Variants in CNOT2 observed in about 807,000 individuals in gnomAD.
The protein encoded by CNOT2 is CC chemokine receptor 4-negative regulator of transcription 2.
CNOT2 carries 7 observed loss-of-function variants against 72.1 expected under a neutral mutation model. The ratio of observed to expected loss-of-function variants is 0.10; its 90% CI spans 0.06 to 0.18. The LOEUF is 0.18. Among genes scored for constraint, CNOT2 ranks in the 10% least tolerant of loss-of-function variants. CNOT2 has a pLI of 1.00. For synonymous variants in CNOT2, 196 were observed against 225.6 expected (o/e 0.87, Z 1.17); for missense variants, 345 against 660.3 (o/e 0.52, Z 5.23).
At chr12:70,320,558 TTATC>T (rs1878127024) in intron 4 of CNOT2, among the ~76,000 whole-genome samples, 1 of 151,774 alleles carries the variant, frequency 6.6e-6, no homozygotes. Context: ...AAAAAATTGT[TTATC>T]TACAAATATT....
At chr12:70,291,023 A>G (rs1871804034) in intron 2 of CNOT2, among the ~76,000 whole-genome samples, 1 of 152,202 alleles carries the variant, frequency 6.6e-6, no homozygotes, top group Admixed American at 6.5e-5. Context: ...ATAAAACAGT[A>G]CAGGTCAGTA....
chr12:70,336,633 C>T (rs1880738895), intron 8 of CNOT2: 1 of 151,662 alleles, frequency 6.6e-6, no homozygotes, highest in Non-Finnish European at 1.5e-5. Context: ...AATTAGTCTC[C>T]CCAAAATAAA....
At chr12:70,280,325 A>G (rs1316178970) in intron 2 of CNOT2, among the ~76,000 whole-genome samples, 1 of 152,176 alleles carries the variant, frequency 6.6e-6, no homozygotes, top group East Asian at 1.9e-4. Context: ...ACATAGAGGG[A>G]TAAATTCTAA....
intron 2 of CNOT2, among the ~76,000 whole-genome samples, chr12:70,296,620 C>T (rs1366010487): frequency 6.7e-6 from 1 of 150,320 alleles, no homozygotes; most frequent in African/African-American, 2.4e-5. Flanking sequence ...TATTCTAGAA[C>T]TCGGAGGACT....
intron 1 of CNOT2, among the ~76,000 whole-genome samples, chr12:70,276,435 G>C (rs1408509378): frequency 6.6e-6 from 1 of 151,864 alleles, no homozygotes; most frequent in Non-Finnish European, 1.5e-5. Flanking sequence ...ACTGAATTCA[G>C]AGTCACCATG....
chr12:70,288,285 A>G (rs561389112), intron 2 of CNOT2, among the ~76,000 whole-genome samples: 3 of 151,892 alleles, frequency 2.0e-5, no homozygotes, highest in African/African-American at 7.2e-5. Context: ...CTGGGATTAC[A>G]GGCACCTGCC....
rs775063432 is a variant in CNOT2 at position 70,310,904 on chromosome 12, A to G, written c.58A>G (p.Ser20Gly). The G allele has an allele frequency of 1.2e-6, 2 of 1,611,558 alleles. No individual in the cohort carries two copies. Among genetic ancestry groups the G allele is most frequent in the Non-Finnish European group, 1.7e-6 (2 of 1,178,374 alleles). Residue 20 changes from serine to glycine, a missense_variant, in exon 3 of 16, where the codon AGC becomes GGC. This residue lies in a region of CNOT2 where 157 missense variants were observed against 235.3 expected (regional missense o/e 0.67). Coordinates refer to ENST00000229195, the MANE Select transcript of CNOT2 (RefSeq NM_014515.7). ...TAATATTTTTGTTTAGGTGACAAAC[A>G]GCATGTTTGGTGCTTCAAGAAAGAA... ...SEKRNYQVTN[S>G]MFGASRKKFV...
At chr12:70,304,833 T>C (rs1874922680) in intron 2 of CNOT2, among the ~76,000 whole-genome samples, 1 of 152,228 alleles carries the variant, frequency 6.6e-6, no homozygotes, top group Non-Finnish European at 1.5e-5. Context: ...CAGTTCGAGC[T>C]TCCTGGCTGC....
At chr12:70,244,172 T>TG (rs1957750899) in intron 1 of CNOT2, 1 of 152,320 alleles carries the variant, frequency 6.6e-6, no homozygotes, top group African/African-American at 2.4e-5. Flanking sequence ...ATGCCGCCTC[T>TG]GCCACCGCAC....
Position 70,354,318 on chromosome 12 carries a change from G to A in CNOT2, c.*403G>A, listed in dbSNP as rs1452918597. The A allele has an allele frequency of 5.9e-6, 1 of 169,324 alleles. No individual in the cohort carries two copies. The highest frequency in any genetic ancestry group is 2.4e-5 in the African/African-American group (1 of 42,182). 10.5% of individuals were successfully genotyped at this position (169,324 alleles called of 1,614,324 possible). A position where few individuals can be genotyped will look rare whatever the true frequency, so the allele number is the denominator to read the frequency against. Reference sequence around the variant, plus strand: ...TTGCATTGTTCATTGTAGCACTATTGGTAATAAAATAACAAATGTTTGTGC... The same window carrying A: ...TTGCATTGTTCATTGTAGCACTATTAGTAATAAAATAACAAATGTTTGTGC... On this transcript the variant is annotated 3_prime_UTR_variant, in exon 16 of 16. Coordinates refer to ENST00000229195, the MANE Select transcript of CNOT2 (RefSeq NM_014515.7).
At chr12:70,253,089 A>G (rs2135707872) in intron 1 of CNOT2, among the ~76,000 whole-genome samples, 1 of 152,340 alleles carries the variant, frequency 6.6e-6, no homozygotes, top group East Asian at 1.9e-4. Flanking sequence ...ATTTTGAGTA[A>G]CATAAATAAA....
At chr12:70,319,002 T>A (rs1485232728) in intron 3 of CNOT2, 2 of 209,334 alleles carry the variant, frequency 9.6e-6, no homozygotes, top group African/African-American at 4.6e-5. Context: ...CTATATAATT[T>A]TATTTTTTTA....
At chr12:70,272,136 A>G (rs1959318715) in intron 1 of CNOT2, among the ~76,000 whole-genome samples, 1 of 152,232 alleles carries the variant, frequency 6.6e-6, no homozygotes, top group Non-Finnish European at 1.5e-5. Context: ...CCATAAAATT[A>G]AAGTTAGTAA....
At position 70,308,584 on chromosome 12, in the gene CNOT2, T is replaced by TCTCTCA. The variant is rs550679130; in HGVS notation, c.49-2310_49-2309insTCTCAC. ...CTCTCTCTCTCTCTCTCTCTCTCTC[T>TCTCTCA]CACACACACACACACACACACACAG... is the stretch of plus-strand genomic sequence containing the variant. On this transcript the variant is annotated intron_variant, in intron 2 of 15. Coordinates refer to ENST00000229195, the MANE Select transcript of CNOT2 (RefSeq NM_014515.7). Among the ~76,000 whole-genome samples the TCTCTCA allele has an allele frequency of 6.5e-3, 860 of 133,282 alleles. 2 individuals are homozygous for TCTCTCA. The highest frequency in any genetic ancestry group is 0.02 in the African/African-American group (726 of 35,450). 87.4% of individuals were successfully genotyped at this position (133,282 alleles called of 152,430 possible).
At chr12:70,337,940 G>A in intron 9 of CNOT2, 1 of 303,704 alleles carries the variant, frequency 3.3e-6, no homozygotes. Flanking sequence ...ACTGAAAATA[G>A]CTTTTCTCTG....
intron 7 of CNOT2, among the ~76,000 whole-genome samples, chr12:70,333,888 G>C (rs1476558486): frequency 6.6e-6 from 1 of 151,866 alleles, no homozygotes. Flanking sequence ...GCATATCATA[G>C]TTTAATTGTA....
At chr12:70,270,775 A>T (rs1483597084) in intron 1 of CNOT2, among the ~76,000 whole-genome samples, 1 of 152,174 alleles carries the variant, frequency 6.6e-6, no homozygotes, top group Non-Finnish European at 1.5e-5. Flanking sequence ...CCACCAGGTT[A>T]GTTATATGCC....
At chr12:70,269,184 G>A (rs954754660) in intron 1 of CNOT2, among the ~76,000 whole-genome samples, 15 of 151,854 alleles carry the variant, frequency 9.9e-5, no homozygotes, top group Non-Finnish European at 1.6e-4. Context: ...TCACTAATTA[G>A]CTGTGTGTAT....
intron 2 of CNOT2, among the ~76,000 whole-genome samples, chr12:70,302,581 C>T (rs1456889011): frequency 2.0e-5 from 3 of 152,108 alleles, no homozygotes; most frequent in African/African-American, 4.8e-5. Context: ...GTCTGAGAGA[C>T]AGTTTGTTAT....
Sources: allele counts gnomAD v4.1 joint callset (sites outside exome capture counted in the v4.1 genomes callset), GRCh38; gene constraint gnomAD v4.1.1; regional missense constraint gnomAD v4.1.1; transcripts MANE v1.5; gene names NCBI Gene and HGNC (gene_info 2026-07-23, HGNC 2026-07-21).